Variants in HIVEP3 observed in about 807,000 individuals in gnomAD.
HIVEP3 encodes the protein HIVEP zinc finger 3, also known as transcription factor HIVEP3.
A neutral mutation model predicts 152.8 loss-of-function variants in HIVEP3; 49 were observed. That is an observed-to-expected ratio of 0.32 (90% CI 0.26 to 0.41). The LOEUF is 0.41. Ranked by LOEUF, HIVEP3 falls within the 10% of genes least tolerant of loss-of-function variation. The pLI, the probability that HIVEP3 is intolerant of heterozygous loss-of-function variation, is 1.00. For missense variants in HIVEP3, 2,790 were observed against 3,103.3 expected (o/e 0.90, Z 2.40); for synonymous variants, 1,269 against 1,289.0 (o/e 0.98, Z 0.33).
chr1:41,932,340 A>T (rs1304498870), intron 1 of HIVEP3, among the ~76,000 whole-genome samples: 1 of 151,802 alleles, frequency 6.6e-6, no homozygotes, highest in Non-Finnish European at 1.5e-5. Context: ...TTTTAACTAT[A>T]ACTTCAATTT....
At chr1:41,602,367 A>C (rs1013910312) in intron 3 of HIVEP3, among the ~76,000 whole-genome samples, 4 of 152,180 alleles carry the variant, frequency 2.6e-5, no homozygotes, top group African/African-American at 7.2e-5. Context: ...CAGTGAAGCT[A>C]TCTGGTCCTG....
chr1:41,889,659 A>G (rs773062904), intron 1 of HIVEP3, among the ~76,000 whole-genome samples: 6 of 152,164 alleles, frequency 3.9e-5, no homozygotes, highest in African/African-American at 1.2e-4. Context: ...TTCATTTCCC[A>G]TATGTTAGTG....
At chr1:41,890,360 G>A (rs1644427333) in intron 1 of HIVEP3, among the ~76,000 whole-genome samples, 1 of 152,160 alleles carries the variant, frequency 6.6e-6, no homozygotes, top group Non-Finnish European at 1.5e-5. Flanking sequence ...AAGATGCTCG[G>A]GGCACAAATG....
At chr1:41,761,779 T>C (rs1003946208) in intron 1 of HIVEP3, among the ~76,000 whole-genome samples, 1 of 152,242 alleles carries the variant, frequency 6.6e-6, no homozygotes, top group Non-Finnish European at 1.5e-5. Flanking sequence ...CACATGTATG[T>C]GCATTTGTGC....
chr1:41,743,180 G>A (rs1196133892), intron 1 of HIVEP3, among the ~76,000 whole-genome samples: 1 of 152,066 alleles, frequency 6.6e-6, no homozygotes, highest in East Asian at 1.9e-4. Context: ...AACCAGAGGT[G>A]CTAAATCTTG....
chr1:41,820,995 G>T (rs1179728674), intron 1 of HIVEP3, among the ~76,000 whole-genome samples: 1 of 152,208 alleles, frequency 6.6e-6, no homozygotes, highest in Non-Finnish European at 1.5e-5. Context: ...GGGAAGGAAG[G>T]TACAGTGTGC....
chr1:41,575,766 AT>A (rs2149100347), intron 4 of HIVEP3, 77 bp from the exon 5 acceptor site: 1 of 1,499,132 alleles, frequency 6.7e-7, no homozygotes, highest in African/African-American at 1.4e-5. Flanking sequence ...GCTAATAATC[AT>A]GCCTTACACA....
At chr1:41,931,186 C>A (rs1182077993) in intron 1 of HIVEP3, among the ~76,000 whole-genome samples, 2 of 152,030 alleles carry the variant, frequency 1.3e-5, no homozygotes, top group African/African-American at 4.8e-5. Flanking sequence ...AACTCTTTGC[C>A]AAACCAAAGG....
chr1:41,775,634 G>T (rs1648657509), intron 1 of HIVEP3, among the ~76,000 whole-genome samples: 1 of 152,082 alleles, frequency 6.6e-6, no homozygotes, highest in Non-Finnish European at 1.5e-5. Flanking sequence ...GGGACTACAG[G>T]TGCTCACCAC....
At chr1:41,692,244 T>C (rs1646209289) in intron 2 of HIVEP3, among the ~76,000 whole-genome samples, 1 of 152,208 alleles carries the variant, frequency 6.6e-6, no homozygotes, top group Non-Finnish European at 1.5e-5. Flanking sequence ...TAAACAAGTG[T>C]CCACGAAAAG....
Position 41,627,529 on chromosome 1 carries a change from A to G in HIVEP3, c.-522+1220T>C, listed in dbSNP as rs150394837. 2.3e-3 allele frequency among the ~76,000 whole-genome samples: 352 copies of G among 152,252 alleles called. 1 individual carries two copies. The highest frequency in any genetic ancestry group is 5.0e-3 in the South Asian group (24 of 4,824). On this transcript the variant is annotated intron_variant, in intron 3 of 8. Transcript: ENST00000372583. Reference sequence around the variant, plus strand: ...GTCTAGGCCTAGGGCTGGTAGGCCCAAGCTGTCATACTGTGGGCAGAGACA... The same window carrying G: ...GTCTAGGCCTAGGGCTGGTAGGCCCGAGCTGTCATACTGTGGGCAGAGACA...
intron 1 of HIVEP3, among the ~76,000 whole-genome samples, chr1:41,889,660 T>C (rs1264757917): frequency 6.6e-6 from 1 of 152,136 alleles, no homozygotes; most frequent in Non-Finnish European, 1.5e-5. Context: ...TCATTTCCCA[T>C]ATGTTAGTGT....
chr1:41,957,625 G>C (rs1645146834), intron 1 of HIVEP3, among the ~76,000 whole-genome samples: 1 of 152,186 alleles, frequency 6.6e-6, no homozygotes, highest in African/African-American at 2.4e-5. Flanking sequence ...GTCTAGATTG[G>C]ACATGGAAAG....
intron 1 of HIVEP3, among the ~76,000 whole-genome samples, chr1:41,909,411 T>G (rs572482031): frequency 6.6e-6 from 1 of 152,028 alleles, no homozygotes; most frequent in Non-Finnish European, 1.5e-5. Flanking sequence ...TATAAAAGAT[T>G]CAATTCACCA....
chr1:41,925,477 T>C (rs1644963436), intron 1 of HIVEP3, among the ~76,000 whole-genome samples: 1 of 152,142 alleles, frequency 6.6e-6, no homozygotes, highest in African/African-American at 2.4e-5. Context: ...AAGTGAATCA[T>C]CATAAAGGTC....
Position 41,584,805 on chromosome 1 carries a change from A to G in HIVEP3, c.-8T>C, listed in dbSNP as rs1384319126. 1 of 1,502,624 alleles carries G rather than the reference A, an allele frequency of 6.7e-7. No individual in the cohort carries two copies. Among genetic ancestry groups the G allele is most frequent in the African/African-American group, 1.4e-5 (1 of 71,486 alleles). 93.1% of individuals were successfully genotyped at this position (1,502,624 alleles called of 1,614,324 possible). On this transcript the variant is annotated 5_prime_UTR_variant, in exon 4 of 9. Transcript: ENST00000372583. This position sits in a 1 kb window ranked among gnomAD's most constrained non-coding sequence, Gnocchi z 5.2. The stretch of plus-strand genomic sequence containing the variant: ...ACTTTGTTCAGGATCCATGACCTTC[A>G]CAAAGACTTCAGATGCTATTCAGGG...
At chr1:41,963,169 G>A (rs1404787588) in intron 1 of HIVEP3, among the ~76,000 whole-genome samples, 1 of 151,976 alleles carries the variant, frequency 6.6e-6, no homozygotes, top group African/African-American at 2.4e-5. Flanking sequence ...CTGCCACCAC[G>A]CCCAGCTATT....
chr1:41,704,947 T>A (rs571480065), intron 1 of HIVEP3, among the ~76,000 whole-genome samples: 1 of 152,364 alleles, frequency 6.6e-6, no homozygotes, highest in African/African-American at 2.4e-5. Flanking sequence ...AGACTGTTTT[T>A]AAAAATATCT....
chr1:41,583,488 G>T lies in HIVEP3; in HGVS notation c.1310C>A (p.Thr437Asn), dbSNP rs770506525. Residue 437 changes from threonine to asparagine, a missense_variant, in exon 4 of 9, where the codon ACC becomes AAC. Around this residue, in one of 9 missense-constraint regions of HIVEP3, gnomAD observed 134 missense variants for 242.5 expected, o/e 0.55. Transcript: ENST00000372583. The surrounding 1 kb of genome is among the most constrained non-coding windows in gnomAD (Gnocchi z 6.9). ...GGTGGACAGGGGCAGGAGGGGCTGG[G>T]TGGAGGTGGCTGTCAGCATGGCGGT... ...QRTAMLTATS[T>N]QPLLPLSTED... 1.9e-6 allele frequency: 3 copies of T among 1,613,954 alleles called. No homozygotes were observed. Among genetic ancestry groups the T allele is most frequent in the South Asian group, 2.2e-5 (2 of 91,054 alleles).
Sources: allele counts gnomAD v4.1 joint callset (sites outside exome capture counted in the v4.1 genomes callset), GRCh38; gene constraint gnomAD v4.1.1; regional missense constraint gnomAD v4.1.1; non-coding constraint Gnocchi (gnomAD v3.1); transcripts MANE v1.5; gene names NCBI Gene and HGNC (gene_info 2026-07-23, HGNC 2026-07-21).